The following PSD3 variants were observed in gnomAD, a reference collection of about 807,000 sequenced individuals.
PSD3 encodes the protein pleckstrin and Sec7 domain containing 3, also known as PH and SEC7 domain-containing protein 3.
In PSD3, 49 loss-of-function variants were observed where a neutral mutation model predicts 105.5. That is an observed-to-expected ratio of 0.46 (90% CI 0.37 to 0.59). The LOEUF is 0.59. Ranked by LOEUF, PSD3 falls within the 20% of genes least tolerant of loss-of-function variation. The pLI is 0.00. For missense variants in PSD3, 1,561 were observed against 1,263.8 expected (o/e 1.24, Z -3.57); for synonymous variants, 557 against 457.8 (o/e 1.22, Z -2.77).
At chr8:18,848,735 T>C (rs1304801833) in intron 4 of PSD3, among the ~76,000 whole-genome samples, 3 of 152,312 alleles carry the variant, frequency 2.0e-5, no homozygotes, top group African/African-American at 7.2e-5. Flanking sequence ...CACTGGCTTG[T>C]TGCTCACAGA....
intron 1 of PSD3, among the ~76,000 whole-genome samples, chr8:19,038,344 C>A (rs530021526): frequency 1.6e-4 from 25 of 152,266 alleles, no homozygotes; most frequent in African/African-American, 5.8e-4. Context: ...TTTGGGGTCC[C>A]TTTTTCTTTC....
intron 11 of PSD3, among the ~76,000 whole-genome samples, chr8:18,611,628 A>G (rs1292687777): frequency 6.6e-6 from 1 of 152,190 alleles, no homozygotes; most frequent in Non-Finnish European, 1.5e-5. Flanking sequence ...GCTAAAGAAA[A>G]TGCATCAAAT....
At chr8:18,762,632 T>C (rs9792376) in intron 9 of PSD3, among the ~76,000 whole-genome samples, 14,361 of 152,148 alleles carry the variant, frequency 0.094, 1,509 homozygotes, top group East Asian at 0.23. Context: ...GGGGAAAAAA[T>C]GTCAAATATC....
intron 10 of PSD3, among the ~76,000 whole-genome samples, chr8:18,650,440 C>T (rs1428338813): frequency 6.6e-6 from 1 of 152,196 alleles, no homozygotes; most frequent in Non-Finnish European, 1.5e-5. Flanking sequence ...ATAGATGCTT[C>T]ACTAATAATG....
At chr8:18,643,573 C>T (rs1807808660) in intron 10 of PSD3, among the ~76,000 whole-genome samples, 1 of 152,130 alleles carries the variant, frequency 6.6e-6, no homozygotes, top group South Asian at 2.1e-4. Context: ...ATAGATGCTC[C>T]CATTCCAAAA....
chr8:18,624,005 T>C (rs1284891370), intron 11 of PSD3, among the ~76,000 whole-genome samples: 3 of 152,322 alleles, frequency 2.0e-5, no homozygotes, highest in Admixed American at 1.3e-4. Context: ...TTCAATTATA[T>C]GGATATACAA....
At chr8:18,663,000 T>C (rs1563153478) in intron 9 of PSD3, among the ~76,000 whole-genome samples, 1 of 152,194 alleles carries the variant, frequency 6.6e-6, no homozygotes, top group African/African-American at 2.4e-5. Flanking sequence ...CAAATGCACC[T>C]TTCTGAGCTA....
chr8:18,615,753 A>T (rs1388605881), intron 11 of PSD3, among the ~76,000 whole-genome samples: 1 of 152,202 alleles, frequency 6.6e-6, no homozygotes, highest in Non-Finnish European at 1.5e-5. Flanking sequence ...GTAACTGCTG[A>T]ATCAGACAAG....
intron 10 of PSD3, among the ~76,000 whole-genome samples, chr8:18,634,438 C>A (rs1007321844): frequency 6.6e-6 from 1 of 152,048 alleles, no homozygotes; most frequent in Non-Finnish European, 1.5e-5. Flanking sequence ...TAATAACTAT[C>A]GTAAAAAATT....
chr8:18,610,120 T>C (rs1224642582), intron 11 of PSD3, among the ~76,000 whole-genome samples: 1 of 152,208 alleles, frequency 6.6e-6, no homozygotes, highest in Non-Finnish European at 1.5e-5. Flanking sequence ...TCTTTCTCTT[T>C]TATAAAAGGA....
At chr8:18,917,666 G>C (rs912583827) in intron 2 of PSD3, among the ~76,000 whole-genome samples, 1 of 152,094 alleles carries the variant, frequency 6.6e-6, no homozygotes, top group African/African-American at 2.4e-5. Context: ...ATTACAGCTA[G>C]TGCATGCCCC....
chr8:18,995,760 G>T (rs2129473877), intron 1 of PSD3, among the ~76,000 whole-genome samples: 1 of 152,010 alleles, frequency 6.6e-6, no homozygotes, highest in South Asian at 2.1e-4. Flanking sequence ...CATGTGCAGG[G>T]GAACTGCCTT....
intron 9 of PSD3, among the ~76,000 whole-genome samples, chr8:18,761,958 G>A (rs1416368940): frequency 1.3e-5 from 2 of 152,200 alleles, no homozygotes; most frequent in Admixed American, 1.3e-4. Flanking sequence ...ATTTGGTCAT[G>A]TAGTTGAGAG....
intron 15 of PSD3, among the ~76,000 whole-genome samples, chr8:18,542,326 G>T (rs1235901788): frequency 3.3e-5 from 5 of 152,186 alleles, no homozygotes; most frequent in Non-Finnish European, 5.9e-5. Flanking sequence ...GACATGTAAA[G>T]TATCAGGAGC....
intron 4 of PSD3, among the ~76,000 whole-genome samples, chr8:18,853,297 A>G (rs1815740779): frequency 6.6e-6 from 1 of 152,168 alleles, no homozygotes; most frequent in African/African-American, 2.4e-5. Flanking sequence ...CATACCCACA[A>G]ATACACCTGT....
chr8:18,731,354 C>T (rs1397701733), intron 9 of PSD3, among the ~76,000 whole-genome samples: 1 of 152,138 alleles, frequency 6.6e-6, no homozygotes, highest in Non-Finnish European at 1.5e-5. Context: ...AAAATAAAGA[C>T]CAGAAGGATG....
chr8:18,669,804 T>C (rs758438062), intron 9 of PSD3, among the ~76,000 whole-genome samples: 35 of 152,236 alleles, frequency 2.3e-4, no homozygotes, highest in Non-Finnish European at 7.3e-5. Flanking sequence ...GTATAGCATA[T>C]GGTATAAGTA....
intron 1 of PSD3, among the ~76,000 whole-genome samples, chr8:18,970,965 C>A (rs1270960015): frequency 6.7e-6 from 1 of 148,278 alleles, no homozygotes; most frequent in Non-Finnish European, 1.5e-5. Context: ...AGTAAAAGAG[C>A]GAGACTCTGT....
At chr8:18,845,643 A>C (rs1293444018) in intron 4 of PSD3, among the ~76,000 whole-genome samples, 3 of 152,150 alleles carry the variant, frequency 2.0e-5, no homozygotes, top group Non-Finnish European at 1.5e-5. Context: ...ATCAATTAGA[A>C]ATAGCAGAAG....
Sources: allele counts gnomAD v4.1 joint callset (sites outside exome capture counted in the v4.1 genomes callset), GRCh38; gene constraint gnomAD v4.1.1; transcripts MANE v1.5; gene names NCBI Gene and HGNC (gene_info 2026-07-23, HGNC 2026-07-21).